Variants in GARIN1B observed in about 807,000 individuals in gnomAD.
GARIN1B encodes golgi associated RAB2 interactor 1B.
chr7:128,715,175 A>G, the GARIN1B span: 2 of 888,104 alleles, frequency 2.3e-6, no homozygotes, highest in Non-Finnish European at 2.7e-6. Flanking sequence ...CTGCTTTCTC[A>G]GCAAGTTCCG....
chr7:128,718,447 A>AAG, the GARIN1B span, among the ~76,000 whole-genome samples: 11 of 151,348 alleles, frequency 7.3e-5, no homozygotes, highest in African/African-American at 1.5e-4. Context: ...AAAAAAAAAA[A>AAG]AAAGAAAGAA....
At chr7:128,728,514 A>G in the GARIN1B span, among the ~76,000 whole-genome samples, 795 of 152,288 alleles carry the variant, frequency 5.2e-3, 2 homozygotes, top group South Asian at 0.012. Flanking sequence ...AAATTCTGTT[A>G]TAAGTAAAAC....
At chr7:128,716,863 G>A in the GARIN1B span, 9 of 1,613,796 alleles carry the variant, frequency 5.6e-6, no homozygotes, top group Non-Finnish European at 5.1e-6. Context: ...CCAACACCAT[G>A]GCCCTGGGGG....
the GARIN1B span, among the ~76,000 whole-genome samples, chr7:128,717,413 G>T: frequency 1.3e-5 from 2 of 150,752 alleles, no homozygotes; most frequent in Admixed American, 6.6e-5. Context: ...CTGCTCCTCA[G>T]TTTTCTTTGT....
the GARIN1B span, among the ~76,000 whole-genome samples, chr7:128,727,519 G>A: frequency 1.3e-5 from 2 of 152,192 alleles, no homozygotes; most frequent in Non-Finnish European, 2.9e-5. Flanking sequence ...GAGGGAGCAT[G>A]ACACATTCTG....
the GARIN1B span, among the ~76,000 whole-genome samples, chr7:128,723,803 C>T: frequency 4.6e-5 from 7 of 151,938 alleles, no homozygotes; most frequent in East Asian, 2.0e-4. Context: ...TGAGCCACCG[C>T]GCCCAGTCAC....
At chr7:128,729,133 C>T in the GARIN1B span, among the ~76,000 whole-genome samples, 1 of 152,138 alleles carries the variant, frequency 6.6e-6, no homozygotes, top group Non-Finnish European at 1.5e-5. Context: ...TGAAATTAAC[C>T]ATCCCAGGTG....
chr7:128,713,445 A>C, the GARIN1B span, among the ~76,000 whole-genome samples: 6 of 152,168 alleles, frequency 3.9e-5, no homozygotes, highest in Non-Finnish European at 8.8e-5. Flanking sequence ...AGGGGTGCAC[A>C]TCATTTTTTT....
chr7:128,709,774 C>T, the GARIN1B span, among the ~76,000 whole-genome samples: 16 of 88,912 alleles, frequency 1.8e-4, no homozygotes, highest in Non-Finnish European at 2.9e-4. Context: ...TTTTTTTAGA[C>T]GGAGTCTCAC....
the GARIN1B span, among the ~76,000 whole-genome samples, chr7:128,709,992 C>G: frequency 6.6e-6 from 1 of 151,322 alleles, no homozygotes; most frequent in Non-Finnish European, 1.5e-5. Flanking sequence ...ACCTCATGAT[C>G]CACCCGCCTC....
chr7:128,715,078 AG>A, the GARIN1B span: 16 of 166,280 alleles, frequency 9.6e-5, no homozygotes, highest in Non-Finnish European at 1.5e-4. Flanking sequence ...AGAGTAAGGA[AG>A]GGTTGAAAGG....
the GARIN1B span, chr7:128,731,234 A>T: frequency 0.066 from 64,109 of 970,416 alleles, 2,583 homozygotes; most frequent in South Asian, 0.084. Flanking sequence ...GGAAGAATAG[A>T]GTCATCTCAC....
At chr7:128,731,070 A>G in the GARIN1B span, 3 of 1,603,646 alleles carry the variant, frequency 1.9e-6, no homozygotes, top group East Asian at 2.2e-5. Flanking sequence ...TTTATATCCT[A>G]TCAAACACTT....
At chr7:128,727,389 C>T in the GARIN1B span, among the ~76,000 whole-genome samples, 1 of 152,216 alleles carries the variant, frequency 6.6e-6, no homozygotes, top group Non-Finnish European at 1.5e-5. Context: ...TCCCTCATTC[C>T]TGCCAGGAAG....
the GARIN1B span, among the ~76,000 whole-genome samples, chr7:128,710,200 CCA>C: frequency 6.6e-6 from 1 of 152,182 alleles, no homozygotes; most frequent in Non-Finnish European, 1.5e-5. Context: ...CAGGTGTGAG[CCA>C]CCACACCCAG....
the GARIN1B span, chr7:128,724,769 G>A: frequency 0.11 from 137,596 of 1,289,320 alleles, 7,791 homozygotes; most frequent in Non-Finnish European, 0.11. Flanking sequence ...GTCACAACAG[G>A]AACCAGTTGG....
At chr7:128,714,535 G>A in the GARIN1B span, among the ~76,000 whole-genome samples, 11 of 151,552 alleles carry the variant, frequency 7.3e-5, no homozygotes, top group African/African-American at 1.9e-4. Context: ...CCGAGATCGC[G>A]CACATTGTAC....
the GARIN1B span, chr7:128,715,418 G>T: frequency 6.2e-6 from 10 of 1,609,176 alleles, no homozygotes; most frequent in Non-Finnish European, 8.5e-6. Context: ...CAAATGTGCA[G>T]CAGGCCCCTG....
At chr7:128,730,332 G>A in the GARIN1B span, among the ~76,000 whole-genome samples, 3 of 152,072 alleles carry the variant, frequency 2.0e-5, no homozygotes, top group Non-Finnish European at 4.4e-5. Flanking sequence ...GAGGTGTAAG[G>A]GATCTCCTCT....
Sources: allele counts gnomAD v4.1 joint callset (sites outside exome capture counted in the v4.1 genomes callset), GRCh38; gene constraint gnomAD v4.1.1; transcripts MANE v1.5; gene names NCBI Gene and HGNC (gene_info 2026-07-23, HGNC 2026-07-21).